RORA: variants seen among roughly 807,000 people sequenced by gnomAD.
The protein encoded by RORA is RAR related orphan receptor A.
Under a neutral mutation model 69.5 loss-of-function variants are expected in RORA, and 7 were observed. The observed-to-expected ratio is 0.10, with a 90% CI of 0.06 to 0.19. The LOEUF is 0.19. RORA is among the 10% of genes least tolerant of loss of function. The probability of loss-of-function intolerance (pLI) is 1.00; values close to 1 mark genes in which losing one functional copy is unlikely to be tolerated. For missense variants in RORA, 457 were observed against 663.0 expected, an observed-to-expected ratio of 0.69 and a Z score of 3.41; for synonymous variants, 261 against 240.8, an observed-to-expected ratio of 1.08 and a Z score of -0.78.
chr15:61,146,124 G>A (rs149580972), intron 1 of RORA, among the ~76,000 whole-genome samples: 15 of 152,248 alleles, frequency 9.9e-5, no homozygotes, highest in African/African-American at 2.4e-4. Flanking sequence ...TATTTTAATC[G>A]TAAGTAATCA....
intron 2 of RORA, among the ~76,000 whole-genome samples, chr15:60,583,235 C>G (rs2068241950): frequency 6.6e-6 from 1 of 152,230 alleles, no homozygotes; most frequent in African/African-American, 2.4e-5. Context: ...TTTGGTCTCC[C>G]CTGTTTGGAT....
At chr15:61,080,921 T>A (rs763391790) in intron 1 of RORA, among the ~76,000 whole-genome samples, 1 of 152,210 alleles carries the variant, frequency 6.6e-6, no homozygotes, top group Non-Finnish European at 1.5e-5. Flanking sequence ...AAGGATGGGA[T>A]TGCAGCTTCT....
At chr15:61,050,092 T>C (rs1420763207) in intron 1 of RORA, among the ~76,000 whole-genome samples, 2 of 152,196 alleles carry the variant, frequency 1.3e-5, no homozygotes, top group African/African-American at 4.8e-5. Context: ...TGAACACTTT[T>C]TATCACCTCC....
At chr15:60,901,993 G>A (rs1365688610) in intron 1 of RORA, among the ~76,000 whole-genome samples, 1 of 152,166 alleles carries the variant, frequency 6.6e-6, no homozygotes, top group East Asian at 1.9e-4. Flanking sequence ...AATGTCCAGG[G>A]TGCCTCAGCT....
intron 2 of RORA, among the ~76,000 whole-genome samples, chr15:60,533,206 G>A (rs1007477979): frequency 2.6e-5 from 4 of 152,186 alleles, no homozygotes; most frequent in African/African-American, 7.2e-5. Flanking sequence ...TTTAGGGAGT[G>A]CAAGCTATTC....
chr15:60,830,555 C>A lies in RORA; in HGVS notation c.167-151869G>T, dbSNP rs182479033. 1.2e-4 allele frequency among the ~76,000 whole-genome samples: 18 copies of A among 152,340 alleles called. No homozygotes were observed. The East Asian group carries it at 3.5e-3, about 29-fold the overall frequency. On this transcript the variant is annotated intron_variant, in intron 1 of 10. Coordinates refer to ENST00000335670, the MANE Select transcript of RORA (RefSeq NM_134261.3). Reference sequence around the variant, plus strand: ...TCCTTAATAAATCCCTAAATCACTACACAACTGAAATTGTTCCCTGGCTTC... The same window carrying A: ...TCCTTAATAAATCCCTAAATCACTAAACAACTGAAATTGTTCCCTGGCTTC...
At chr15:60,912,086 C>A (rs895863654) in intron 1 of RORA, among the ~76,000 whole-genome samples, 2 of 152,052 alleles carry the variant, frequency 1.3e-5, no homozygotes, top group African/African-American at 4.8e-5. Flanking sequence ...TCAGTTTGTC[C>A]AATATTTTGC....
chr15:60,991,726 C>A (rs762844062), intron 1 of RORA, among the ~76,000 whole-genome samples: 1 of 151,910 alleles, frequency 6.6e-6, no homozygotes. Context: ...AGCAAAACCC[C>A]ATCTCAGCCA....
At chr15:60,832,203 AC>A (rs1169042753) in intron 1 of RORA, among the ~76,000 whole-genome samples, 1 of 152,202 alleles carries the variant, frequency 6.6e-6, no homozygotes, top group Non-Finnish European at 1.5e-5. Context: ...AGATGTAACT[AC>A]AAATGAAGCA....
At chr15:60,638,672 GA>G (rs1463577456) in intron 2 of RORA, among the ~76,000 whole-genome samples, 1 of 152,038 alleles carries the variant, frequency 6.6e-6, no homozygotes, top group East Asian at 1.9e-4. Flanking sequence ...ATGAAGTTAT[GA>G]AAAAACTACT....
intron 1 of RORA, among the ~76,000 whole-genome samples, chr15:60,909,220 T>C (rs1341965487): frequency 1.3e-5 from 2 of 152,208 alleles, no homozygotes; most frequent in Admixed American, 1.3e-4. Context: ...CTCCCAAGCT[T>C]CGACCTGCTT....
chr15:60,518,608 G>A (rs928522049), intron 3 of RORA, among the ~76,000 whole-genome samples: 13 of 152,240 alleles, frequency 8.5e-5, no homozygotes, highest in African/African-American at 3.1e-4. Context: ...TTCTCGCCAT[G>A]ATTCCCCTGC....
chr15:60,846,975 T>A (rs1338851950), intron 1 of RORA, among the ~76,000 whole-genome samples: 1 of 152,212 alleles, frequency 6.6e-6, no homozygotes, highest in African/African-American at 2.4e-5. Context: ...GCTCTTTTGG[T>A]ACCAAGCTTT....
chr15:60,503,124 CT>C (rs1437813624), intron 7 of RORA, among the ~76,000 whole-genome samples: 2 of 152,194 alleles, frequency 1.3e-5, no homozygotes, highest in Non-Finnish European at 2.9e-5. Flanking sequence ...CCTTAGCACT[CT>C]TCTACCTCGC....
intron 1 of RORA, among the ~76,000 whole-genome samples, chr15:60,992,050 G>A (rs914820250): frequency 2.6e-5 from 4 of 152,148 alleles, no homozygotes; most frequent in African/African-American, 9.7e-5. Context: ...AGAAGCAGAT[G>A]TGAAATAGTG....
At chr15:61,192,057 G>C (rs1286627821) in intron 1 of RORA, among the ~76,000 whole-genome samples, 1 of 151,724 alleles carries the variant, frequency 6.6e-6, no homozygotes, top group Admixed American at 6.6e-5. Context: ...TCTCCATAGA[G>C]CATGTTGCAT....
intron 1 of RORA, among the ~76,000 whole-genome samples, chr15:60,705,282 T>C (rs758692885): frequency 5.9e-5 from 9 of 152,214 alleles, no homozygotes; most frequent in Non-Finnish European, 1.2e-4. Flanking sequence ...TTTTACACAA[T>C]GTGGAAAATG....
At chr15:60,552,049 G>C (rs550882066) in intron 2 of RORA, among the ~76,000 whole-genome samples, 1 of 152,198 alleles carries the variant, frequency 6.6e-6, no homozygotes, top group South Asian at 2.1e-4. Flanking sequence ...AGGATCCTTC[G>C]TGGTTCACAG....
chr15:60,497,442 T>C lies in RORA; in HGVS notation c.*13A>G, dbSNP rs1371306357. 19 of 1,612,002 alleles carry C rather than the reference T, an allele frequency of 1.2e-5. No individual in the cohort carries two copies. The highest frequency in any genetic ancestry group is 1.7e-5 in the Admixed American group (1 of 59,966). ...GTACTTCAGACATTCTAGAAGTGCT[T>C]AGGTGATAACATTTACCCATCAATT... On this transcript the variant is annotated 3_prime_UTR_variant, in exon 11 of 11. Transcript: ENST00000335670.
Sources: allele counts gnomAD v4.1 joint callset (sites outside exome capture counted in the v4.1 genomes callset), GRCh38; gene constraint gnomAD v4.1.1; transcripts MANE v1.5; gene names NCBI Gene and HGNC (gene_info 2026-07-23, HGNC 2026-07-21).